Variants in TRHDE observed in about 807,000 individuals in gnomAD.
The protein encoded by TRHDE is thyrotropin releasing hormone degrading enzyme.
Under a neutral mutation model 125.7 loss-of-function variants are expected in TRHDE, and 72 were observed. That is an observed-to-expected ratio of 0.57 (90% CI 0.47 to 0.70). The LOEUF (loss-of-function observed/expected upper bound fraction) is 0.70. Ranked by LOEUF, TRHDE falls within the 30% of genes least tolerant of loss-of-function variation. The pLI is 0.00. For synonymous variants in TRHDE, 509 were observed against 509.1 expected, an observed-to-expected ratio of 1.00 and a Z score of 0.00; for missense variants, 1,110 against 1,327.1, an observed-to-expected ratio of 0.84 and a Z score of 2.54.
At chr12:72,391,716 C>A (rs937710826) in intron 3 of TRHDE, among the ~76,000 whole-genome samples, 1 of 151,976 alleles carries the variant, frequency 6.6e-6, no homozygotes, top group Non-Finnish European at 1.5e-5. Flanking sequence ...TGAGATATAC[C>A]GTGTCAATTT....
intron 1 of TRHDE, among the ~76,000 whole-genome samples, chr12:72,095,089 T>A (rs1445441622): frequency 1.3e-5 from 2 of 152,246 alleles, no homozygotes; most frequent in South Asian, 2.1e-4. Context: ...GACTAGGAGA[T>A]GTTTTTGTCA....
At chr12:72,285,582 G>A (rs1173351336) in intron 1 of TRHDE, among the ~76,000 whole-genome samples, 6 of 146,462 alleles carry the variant, frequency 4.1e-5, no homozygotes, top group African/African-American at 1.5e-4. Flanking sequence ...GTGCAGTGGC[G>A]CGATCTTGGT....
chr12:72,521,959 A>G (rs1868259016), intron 6 of TRHDE, among the ~76,000 whole-genome samples: 1 of 152,204 alleles, frequency 6.6e-6, no homozygotes, highest in Admixed American at 6.5e-5. Flanking sequence ...ATGTTTTGAG[A>G]TAGTTACGTC....
rs535883892 is a variant in TRHDE at position 72,349,518 on chromosome 12, G to C, written c.1189-28477G>C. 3.3e-5 allele frequency among the ~76,000 whole-genome samples: 5 copies of C among 151,666 alleles called. No homozygotes were observed. The South Asian group carries it at 1.0e-3, about 31-fold the overall frequency. On this transcript the variant is annotated intron_variant, in intron 2 of 18. Transcript: ENST00000261180. ...GTAAAAAGGATTCCTTTAAAAGTTA[G>C]TTGGCATGCTTTTAGGTCCCTTTGC...
chr12:72,130,707 A>C (rs1287450214), intron 2 of TRHDE, among the ~76,000 whole-genome samples: 1 of 152,208 alleles, frequency 6.6e-6, no homozygotes, highest in Non-Finnish European at 1.5e-5. Flanking sequence ...TAACAAGGAA[A>C]GTTCAAAAAA....
intron 3 of TRHDE, among the ~76,000 whole-genome samples, chr12:72,399,571 A>G (rs1456374706): frequency 6.6e-6 from 1 of 152,164 alleles, no homozygotes; most frequent in Non-Finnish European, 1.5e-5. Flanking sequence ...TCACCAAGAA[A>G]CTGATTTTTA....
chr12:72,330,998 C>A (rs567272353), intron 2 of TRHDE, among the ~76,000 whole-genome samples: 19 of 152,174 alleles, frequency 1.2e-4, no homozygotes, highest in African/African-American at 4.3e-4. Context: ...GCTGTTGCTC[C>A]GAGAACCACA....
chr12:72,244,276 C>T (rs4760825), intron 2 of TRHDE, among the ~76,000 whole-genome samples: 116,935 of 152,002 alleles, frequency 0.77, 45,913 homozygotes, highest in Non-Finnish European at 0.86. Context: ...AGCCTTCAAC[C>T]TGAAGCACAC....
intron 15 of TRHDE, among the ~76,000 whole-genome samples, chr12:72,643,663 T>C (rs1253337307): frequency 1.3e-5 from 2 of 152,220 alleles, no homozygotes; most frequent in African/African-American, 4.8e-5. Flanking sequence ...TCAGAATCTC[T>C]TCTTCTTGCT....
intron 18 of TRHDE, 54 bp from the exon 19 acceptor site, chr12:72,662,998 C>T: frequency 6.5e-7 from 1 of 1,538,654 alleles, no homozygotes; most frequent in Non-Finnish European, 8.8e-7. Flanking sequence ...GTTTGTTGGA[C>T]ATGAGTTCTT....
At chr12:72,259,668 G>T (rs1341522276) in intron 2 of TRHDE, among the ~76,000 whole-genome samples, 1 of 152,018 alleles carries the variant, frequency 6.6e-6, no homozygotes, top group Non-Finnish European at 1.5e-5. Flanking sequence ...CTCTTTCCAT[G>T]TTTGTACCTT....
chr12:72,164,916 A>T (rs904714440), intron 2 of TRHDE, among the ~76,000 whole-genome samples: 9 of 152,150 alleles, frequency 5.9e-5, no homozygotes, highest in Non-Finnish European at 1.3e-4. Context: ...ACACACATTC[A>T]GGGGCACCTG....
intron 2 of TRHDE, among the ~76,000 whole-genome samples, chr12:72,153,952 G>T (rs1006989560): frequency 1.6e-4 from 24 of 152,290 alleles, no homozygotes; most frequent in African/African-American, 4.6e-4. Context: ...GGATATCCTT[G>T]TTAACTTTCT....
At chr12:72,534,697 T>A (rs1389836706) in intron 6 of TRHDE, among the ~76,000 whole-genome samples, 2 of 152,008 alleles carry the variant, frequency 1.3e-5, no homozygotes, top group African/African-American at 2.4e-5. Context: ...CTAAGAAAAA[T>A]TTTGATGGAA....
At chr12:72,560,975 G>GA in intron 7 of TRHDE, among the ~76,000 whole-genome samples, 1 of 152,194 alleles carries the variant, frequency 6.6e-6, no homozygotes, top group Non-Finnish European at 1.5e-5. Flanking sequence ...GGTTCATGTT[G>GA]AAAAACCTCA....
chr12:72,110,797 A>G (rs1370706922), intron 2 of TRHDE, among the ~76,000 whole-genome samples: 1 of 152,160 alleles, frequency 6.6e-6, no homozygotes, highest in African/African-American at 2.4e-5. Context: ...ATAGTGATCT[A>G]TAACTCTAGC....
Position 72,378,086 on chromosome 12 carries a change from A to C in TRHDE, c.1280A>C (p.Asp427Ala). 5 of 1,603,592 alleles carry C rather than the reference A, an allele frequency of 3.1e-6. No individual in the cohort carries two copies. The highest frequency in any genetic ancestry group is 4.3e-6 in the Non-Finnish European group (5 of 1,176,178). Residue 427 changes from aspartate to alanine, a missense_variant, in exon 3 of 19, where the codon GAC (aspartate) becomes GCC (alanine). By Grantham distance (126) the Asp-to-Ala change is moderately radical. Around this residue, in one of 5 missense-constraint regions of TRHDE, gnomAD observed 252 missense variants for 274.8 expected, o/e 0.92. Coordinates refer to ENST00000261180, the MANE Select transcript of TRHDE (RefSeq NM_013381.3). ...ITKRLIEFYE[D>A]YFKVPYSLPK... ...AAGAGATTAATAGAATTTTATGAAG[A>C]CTACTTTAAAGTGCCCTATTCCTTG... is the stretch of plus-strand genomic sequence containing the variant.
At chr12:72,401,052 T>C (rs1389555509) in intron 3 of TRHDE, among the ~76,000 whole-genome samples, 1 of 152,174 alleles carries the variant, frequency 6.6e-6, no homozygotes, top group Non-Finnish European at 1.5e-5. Context: ...CTTAACTCTT[T>C]ATTCAGCTCT....
intron 2 of TRHDE, among the ~76,000 whole-genome samples, chr12:72,124,827 G>A (rs761340113): frequency 1.3e-5 from 2 of 152,102 alleles, no homozygotes; most frequent in African/African-American, 2.4e-5. Flanking sequence ...GCAGGATCTT[G>A]AGCCCAGGAG....
Sources: gnomAD v4.1 joint callset for allele counts (sites outside exome capture counted in the v4.1 genomes callset) on GRCh38, gnomAD v4.1.1 for gene constraint, gnomAD v4.1.1 regional missense constraint, MANE v1.5 for transcripts, NCBI Gene and HGNC (gene_info 2026-07-23, HGNC 2026-07-21) for gene names.